Variants in DMD observed in about 807,000 individuals in gnomAD.
DMD encodes mutant dystrophin.
DMD carries 63 observed loss-of-function variants against 330.1 expected under a neutral mutation model. The ratio of observed to expected loss-of-function variants is 0.19; its 90% CI spans 0.16 to 0.24. The LOEUF is 0.24. Ranked by LOEUF, DMD falls within the 10% of genes least tolerant of loss-of-function variation. DMD has a pLI of 1.00. For synonymous variants in DMD, 1,223 were observed against 959.8 expected (o/e 1.27, Z -5.07); for missense variants, 3,344 against 2,684.1 (o/e 1.25, Z -5.43).
chrX:33,314,880 G>A (rs768554215), intron 1 of DMD, among the ~76,000 whole-genome samples: 17 of 110,393 alleles, frequency 1.5e-4, no homozygotes, highest in South Asian at 3.9e-4. Flanking sequence ...GTGCAATGGC[G>A]TGATCTTGGC....
Position 32,699,109 on chromosome X carries a change from T to C in DMD, c.831+3A>G. On this transcript the variant is annotated splice_donor_region_variant and intron_variant, in intron 8 of 78. Coordinates refer to ENST00000357033, the MANE Select transcript of DMD (RefSeq NM_004006.3). ...AATAGTAGCTGTCCTTTACACACTT[T>C]ACCTGTTGAGAATAGTGCATTTGAT... is the stretch of plus-strand genomic sequence containing the variant. 1 of 1,206,532 alleles carries C rather than the reference T, an allele frequency of 8.3e-7. No individual in the cohort carries two copies. The highest frequency in any genetic ancestry group is 1.1e-6 in the Non-Finnish European group (1 of 890,845).
intron 2 of DMD, among the ~76,000 whole-genome samples, chrX:32,855,716 A>G (rs962108423): frequency 1.8e-5 from 2 of 112,216 alleles, no homozygotes; most frequent in African/African-American, 6.5e-5. Flanking sequence ...AAACTACTAC[A>G]AGAAATCATT....
chrX:32,945,066 T>G (rs932216625), intron 2 of DMD, among the ~76,000 whole-genome samples: 1 of 111,325 alleles, frequency 9.0e-6, no homozygotes, highest in African/African-American at 3.3e-5. Context: ...AATTTAAATT[T>G]TATGTGTTTC....
intron 63 of DMD, among the ~76,000 whole-genome samples, chrX:31,255,237 T>C (rs1273111397): frequency 1.8e-5 from 2 of 111,327 alleles, no homozygotes; most frequent in Non-Finnish European, 3.8e-5. Flanking sequence ...ATTATATTAG[T>C]ATTTCAAAAT....
intron 44 of DMD, among the ~76,000 whole-genome samples, chrX:31,975,799 C>G (rs1039478220): frequency 1.8e-5 from 2 of 111,790 alleles, no homozygotes; most frequent in Non-Finnish European, 3.8e-5. Flanking sequence ...AGCCATTTGG[C>G]GGGTAGAGGG....
At chrX:33,159,784 C>A (rs2048684329) in intron 1 of DMD, among the ~76,000 whole-genome samples, 1 of 111,587 alleles carries the variant, frequency 9.0e-6, no homozygotes, top group Non-Finnish European at 1.9e-5. Context: ...GATTTATAAT[C>A]CTTTGAGTAT....
chrX:32,235,556 A>G (rs1360303248), intron 43 of DMD, among the ~76,000 whole-genome samples: 1 of 111,474 alleles, frequency 9.0e-6, no homozygotes, highest in East Asian at 2.8e-4. Context: ...TAATGCTATG[A>G]GGGTAGAAGT....
At chrX:32,617,698 AAAAATAGACTG>A (rs1460113157) in intron 11 of DMD, among the ~76,000 whole-genome samples, 2 of 111,702 alleles carry the variant, frequency 1.8e-5, no homozygotes, top group Non-Finnish European at 3.8e-5. Flanking sequence ...CAACAAAAGC[AAAAATAGACTG>A]AGGACTTATA....
At chrX:31,997,415 T>C (rs1360144784) in intron 44 of DMD, among the ~76,000 whole-genome samples, 1 of 99,525 alleles carries the variant, frequency 1.0e-5, no homozygotes, top group Non-Finnish European at 2.0e-5. Flanking sequence ...ACTAGGCATC[T>C]CTATTTTTTT....
intron 50 of DMD, among the ~76,000 whole-genome samples, chrX:31,810,345 T>C (rs1039386105): frequency 9.0e-6 from 1 of 111,542 alleles, no homozygotes; most frequent in Non-Finnish European, 1.9e-5. Context: ...TGATTTAAGA[T>C]AGAAAAGAAA....
At chrX:31,238,638 G>A (rs1320280571) in intron 63 of DMD, among the ~76,000 whole-genome samples, 2 of 111,887 alleles carry the variant, frequency 1.8e-5, no homozygotes, top group Admixed American at 9.5e-5. Context: ...ACTTCCCTAC[G>A]GTTGCATCCC....
intron 9 of DMD, among the ~76,000 whole-genome samples, chrX:32,657,149 G>T (rs1173696303): frequency 1.8e-5 from 2 of 109,213 alleles, no homozygotes; most frequent in African/African-American, 6.7e-5. Context: ...CTTCACCTGA[G>T]ACTTTCTGTC....
intron 1 of DMD, among the ~76,000 whole-genome samples, chrX:33,025,158 GAT>G (rs1309350696): frequency 8.9e-6 from 1 of 112,210 alleles, no homozygotes; most frequent in Non-Finnish European, 1.9e-5. Flanking sequence ...TGTTAGAAAA[GAT>G]ATTTTGGAGA....
chrX:33,261,132 T>C lies in DMD; in HGVS notation c.7+78127A>G, dbSNP rs1245681496. On this transcript the variant is annotated intron_variant, in intron 1 of 17. Transcript: ENST00000288447. Reference sequence around the variant, plus strand: ...TATTTTTCCCTAAACATAATGATCCTAGTTTGTCTTCTATTAGTATTTTAG... The same window carrying C: ...TATTTTTCCCTAAACATAATGATCCCAGTTTGTCTTCTATTAGTATTTTAG... Among the ~76,000 whole-genome samples, 4 of 111,601 alleles carry C rather than the reference T, an allele frequency of 3.6e-5. No homozygotes were observed. The East Asian group carries it at 8.4e-4, about 24-fold the overall frequency.
intron 2 of DMD, among the ~76,000 whole-genome samples, chrX:32,886,620 T>C (rs1186626877): frequency 9.0e-6 from 1 of 110,516 alleles, no homozygotes; most frequent in East Asian, 2.9e-4. Context: ...GAGGCGAAGC[T>C]TGCAGTGAGC....
chrX:32,339,681 T>A (rs971849057), intron 41 of DMD, among the ~76,000 whole-genome samples: 5 of 111,963 alleles, frequency 4.5e-5, no homozygotes, highest in African/African-American at 1.6e-4. Flanking sequence ...TCTCTGAGTC[T>A]TTATCTGTGA....
chrX:32,063,390 G>A (rs1471048629), intron 44 of DMD, among the ~76,000 whole-genome samples: 2 of 111,299 alleles, frequency 1.8e-5, no homozygotes, highest in Admixed American at 1.9e-4. Context: ...GGAAGCTACA[G>A]TTGAAGTCTT....
At chrX:33,263,841 C>T (rs2052999147) in intron 1 of DMD, among the ~76,000 whole-genome samples, 1 of 110,186 alleles carries the variant, frequency 9.1e-6, no homozygotes, top group Non-Finnish European at 1.9e-5. Flanking sequence ...ACAGAACTTA[C>T]AAAAAAGGGA....
intron 47 of DMD, among the ~76,000 whole-genome samples, chrX:31,876,275 A>T (rs1489244241): frequency 8.9e-6 from 1 of 112,193 alleles, no homozygotes; most frequent in Admixed American, 9.4e-5. Context: ...ATAGGTTAGG[A>T]AGCAGCATGA....
Sources: gnomAD v4.1 joint callset for allele counts (sites outside exome capture counted in the v4.1 genomes callset) on GRCh38, gnomAD v4.1.1 for gene constraint, MANE v1.5 for transcripts, NCBI Gene and HGNC (gene_info 2026-07-23, HGNC 2026-07-21) for gene names.